Variants in DLG2 observed in about 807,000 individuals in gnomAD.
DLG2 encodes the protein disks large homolog 2.
DLG2 carries 45 observed loss-of-function variants against 132.5 expected under a neutral mutation model. That is an observed-to-expected ratio of 0.34 (90% CI 0.27 to 0.44). The LOEUF (loss-of-function observed/expected upper bound fraction) is 0.44, where lower values mean the gene tolerates loss of function less well. Ranked by LOEUF, DLG2 falls within the 20% of genes least tolerant of loss-of-function variation. DLG2 has a pLI of 1.00. For missense variants in DLG2, 1,045 were observed against 1,196.9 expected (o/e 0.87, Z 1.87); for synonymous variants, 424 against 419.6 (o/e 1.01, Z -0.13).
At chr11:84,991,704 T>A (rs1339414672) in intron 6 of DLG2, among the ~76,000 whole-genome samples, 1 of 152,134 alleles carries the variant, frequency 6.6e-6, no homozygotes, top group Admixed American at 6.6e-5. Context: ...GGTGCTGATA[T>A]TGTACTACAG....
intron 3 of DLG2, among the ~76,000 whole-genome samples, chr11:85,308,167 A>AAATAG (rs1207878056): frequency 7.4e-6 from 1 of 135,610 alleles, no homozygotes; most frequent in Non-Finnish European, 1.6e-5. Flanking sequence ...AAATAAAATA[A>AAATAG]AATAAAATAA....
At chr11:84,759,623 C>T (rs1273750501) in intron 6 of DLG2, among the ~76,000 whole-genome samples, 1 of 152,060 alleles carries the variant, frequency 6.6e-6, no homozygotes, top group African/African-American at 2.4e-5. Flanking sequence ...TATGGACCAC[C>T]CTATTTTTAT....
chr11:83,501,181 A>AT (rs1215115450), intron 21 of DLG2, among the ~76,000 whole-genome samples: 2 of 140,200 alleles, frequency 1.4e-5, no homozygotes, highest in Non-Finnish European at 3.1e-5. Flanking sequence ...CTTGATTTCT[A>AT]TTTTTTTCTG....
At chr11:85,224,979 A>T (rs1407912747) in intron 4 of DLG2, among the ~76,000 whole-genome samples, 4 of 152,204 alleles carry the variant, frequency 2.6e-5, no homozygotes, top group Admixed American at 2.0e-4. Context: ...TACTTTGATT[A>T]GAGAAGAGTG....
intron 9 of DLG2, among the ~76,000 whole-genome samples, chr11:84,128,258 A>T (rs563022304): frequency 6.6e-6 from 1 of 152,280 alleles, no homozygotes; most frequent in East Asian, 1.9e-4. Flanking sequence ...TACACTTAGA[A>T]ATTTGTCTAG....
intron 9 of DLG2, among the ~76,000 whole-genome samples, chr11:84,155,496 C>A (rs1382100495): frequency 6.6e-6 from 1 of 151,294 alleles, no homozygotes; most frequent in Non-Finnish European, 1.5e-5. Flanking sequence ...TTCAGGCTGA[C>A]CCTACCAGTG....
Position 84,277,101 on chromosome 11 carries a change from C to A in DLG2, c.520-25810G>T, listed in dbSNP as rs374716826. On this transcript the variant is annotated intron_variant, in intron 7 of 27. Coordinates refer to ENST00000376104, the MANE Select transcript of DLG2 (RefSeq NM_001142699.3). Reference sequence around the variant, plus strand: ...AATTGGTTTGCTGGGAAGATCAAGGCAGCAAGTAGAAATAGATAAATCCAC... The same window carrying A: ...AATTGGTTTGCTGGGAAGATCAAGGAAGCAAGTAGAAATAGATAAATCCAC... 2.6e-5 allele frequency among the ~76,000 whole-genome samples: 4 copies of A among 152,218 alleles called. No homozygotes were observed. The East Asian group carries it at 7.7e-4, about 29-fold the overall frequency.
chr11:83,503,729 G>A (rs994326826), intron 21 of DLG2, among the ~76,000 whole-genome samples: 3 of 151,994 alleles, frequency 2.0e-5, no homozygotes, highest in Non-Finnish European at 4.4e-5. Flanking sequence ...GGGTGGGTCT[G>A]CCTTTCCCAG....
chr11:83,795,433 C>CAA (rs2042569329), intron 17 of DLG2, among the ~76,000 whole-genome samples: 2 of 146,542 alleles, frequency 1.4e-5, no homozygotes, highest in African/African-American at 5.2e-5. Context: ...ATATCTATAT[C>CAA]TATATCTATA....
chr11:83,963,639 A>G (rs1022977463), intron 13 of DLG2, among the ~76,000 whole-genome samples: 13 of 151,910 alleles, frequency 8.6e-5, no homozygotes, highest in Non-Finnish European at 2.9e-5. Flanking sequence ...GCTTGACCAC[A>G]CTATTCTCTT....
At chr11:84,148,096 T>G (rs149330603) in intron 9 of DLG2, among the ~76,000 whole-genome samples, 48 of 152,300 alleles carry the variant, frequency 3.2e-4, no homozygotes, top group African/African-American at 1.1e-3. Flanking sequence ...TAACAAGGTC[T>G]GAGTTCAAAG....
chr11:85,360,797 A>G (rs2084083867), intron 3 of DLG2, among the ~76,000 whole-genome samples: 1 of 152,202 alleles, frequency 6.6e-6, no homozygotes, highest in Non-Finnish European at 1.5e-5. Context: ...CTTCTCAATA[A>G]AATCTCTCCT....
intron 17 of DLG2, among the ~76,000 whole-genome samples, chr11:83,798,776 A>T (rs1320796487): frequency 1.3e-5 from 2 of 152,184 alleles, no homozygotes; most frequent in African/African-American, 4.8e-5. Flanking sequence ...GAACAGATGT[A>T]TTACAGTGTA....
At chr11:85,007,528 T>A (rs185659643) in intron 6 of DLG2, among the ~76,000 whole-genome samples, 180 of 150,108 alleles carry the variant, frequency 1.2e-3, no homozygotes, top group African/African-American at 4.3e-3. Flanking sequence ...TAGCCGGGCA[T>A]GGTGGCAGGT....
At chr11:84,484,330 A>G (rs1438656031) in intron 7 of DLG2, among the ~76,000 whole-genome samples, 17 of 152,118 alleles carry the variant, frequency 1.1e-4, no homozygotes, top group Non-Finnish European at 5.9e-5. Flanking sequence ...TATCATCTTG[A>G]GCTCCTAAGT....
intron 3 of DLG2, among the ~76,000 whole-genome samples, chr11:85,491,200 G>A (rs1460524090): frequency 6.6e-6 from 1 of 151,986 alleles, no homozygotes. Context: ...ATATAGAAAA[G>A]GCATTTGATA....
At chr11:84,016,847 A>T (rs963979792) in intron 11 of DLG2, among the ~76,000 whole-genome samples, 16 of 152,146 alleles carry the variant, frequency 1.1e-4, no homozygotes, top group African/African-American at 3.9e-4. Context: ...CAAGATTTAC[A>T]TAGAATCTGA....
chr11:85,335,338 C>T (rs1240064099), intron 3 of DLG2, among the ~76,000 whole-genome samples: 1 of 151,924 alleles, frequency 6.6e-6, no homozygotes, highest in African/African-American at 2.4e-5. Flanking sequence ...CTCTTAAAGA[C>T]AGCATACAGT....
chr11:84,324,150 A>C (rs989867713), intron 7 of DLG2, among the ~76,000 whole-genome samples: 5 of 152,064 alleles, frequency 3.3e-5, no homozygotes, highest in Non-Finnish European at 5.9e-5. Flanking sequence ...AGTGTTGTAT[A>C]GGATTTTCTT....
Sources: allele counts gnomAD v4.1 joint callset (sites outside exome capture counted in the v4.1 genomes callset), GRCh38; gene constraint gnomAD v4.1.1; transcripts MANE v1.5; gene names NCBI Gene and HGNC (gene_info 2026-07-23, HGNC 2026-07-21).